RIT2: variants seen among roughly 807,000 people sequenced by gnomAD.
RIT2 encodes the protein GTP-binding protein Rit2.
RIT2 carries 24 observed loss-of-function variants against 23.7 expected under a neutral mutation model. That is an observed-to-expected ratio of 1.01 (90% CI 0.73 to 1.43). The LOEUF (loss-of-function observed/expected upper bound fraction) is 1.43, where lower values mean the gene tolerates loss of function less well. Among genes scored for constraint, RIT2 ranks in the 40% most tolerant of loss-of-function variants. The pLI is 0.00. For missense variants in RIT2, 236 were observed against 266.9 expected (o/e 0.88, Z 0.81); for synonymous variants, 107 against 91.1 (o/e 1.17, Z -0.99).
At chr18:42,853,956 T>G (rs1268637616) in intron 4 of RIT2, among the ~76,000 whole-genome samples, 1 of 152,252 alleles carries the variant, frequency 6.6e-6, no homozygotes, top group East Asian at 1.9e-4. Context: ...GTAAACTAGA[T>G]TCAAAGGAGA....
intron 1 of RIT2, among the ~76,000 whole-genome samples, chr18:43,047,802 T>C (rs979571384): frequency 6.6e-6 from 1 of 152,244 alleles, no homozygotes; most frequent in Non-Finnish European, 1.5e-5. Context: ...GATGTCAAAT[T>C]TAAAGTTTTG....
intron 3 of RIT2, among the ~76,000 whole-genome samples, chr18:42,941,185 A>T (rs1301170239): frequency 2.6e-5 from 4 of 152,116 alleles, no homozygotes; most frequent in African/African-American, 4.8e-5. Context: ...AGCAAATGGT[A>T]TATATCATTT....
intron 3 of RIT2, among the ~76,000 whole-genome samples, chr18:42,965,009 C>T (rs1479816348): frequency 6.6e-6 from 1 of 152,170 alleles, no homozygotes; most frequent in Non-Finnish European, 1.5e-5. Context: ...CTGAGAGCTA[C>T]CTTAACAACA....
At chr18:43,045,197 G>T (rs1369310490) in intron 1 of RIT2, among the ~76,000 whole-genome samples, 1 of 152,084 alleles carries the variant, frequency 6.6e-6, no homozygotes, top group Non-Finnish European at 1.5e-5. Flanking sequence ...TCTCTGTAGT[G>T]CCATTCTTAC....
chr18:43,095,306 T>C (rs982653546), intron 1 of RIT2, among the ~76,000 whole-genome samples: 4 of 152,106 alleles, frequency 2.6e-5, no homozygotes, highest in African/African-American at 7.2e-5. Context: ...ATTTCTCTGA[T>C]GACCGGTGAT....
rs553864747 is a variant in RIT2 at position 43,109,339 on chromosome 18, T to C, written c.103+6078A>G. 2.0e-5 allele frequency among the ~76,000 whole-genome samples: 3 copies of C among 152,342 alleles called. No individual in the cohort carries two copies. In the South Asian group the frequency reaches 6.2e-4, roughly 32 times the overall value. ...TTGGGTTTTCAGTTTATTTGTGTTG[T>C]GTAACTTTTTCACAGTTAACTGAAG... On this transcript the variant is annotated intron_variant, in intron 1 of 4. Transcript: ENST00000326695.
At chr18:42,973,870 C>G (rs1485043741) in intron 3 of RIT2, among the ~76,000 whole-genome samples, 2 of 150,240 alleles carry the variant, frequency 1.3e-5, no homozygotes, top group Admixed American at 1.3e-4. Flanking sequence ...CCTATATGGA[C>G]TCTTTTATTT....
At chr18:43,054,594 C>T (rs536887538) in intron 1 of RIT2, among the ~76,000 whole-genome samples, 66 of 152,124 alleles carry the variant, frequency 4.3e-4, no homozygotes, top group Admixed American at 6.6e-4. Context: ...ACTTAGGATA[C>T]GCTGGGTAAA....
At chr18:42,782,685 T>A (rs1490665369) in intron 4 of RIT2, among the ~76,000 whole-genome samples, 1 of 152,096 alleles carries the variant, frequency 6.6e-6, no homozygotes. Context: ...TCAGTGTTCA[T>A]AAGGAGAATC....
chr18:43,106,166 A>G (rs1913817824), intron 1 of RIT2, among the ~76,000 whole-genome samples: 1 of 152,248 alleles, frequency 6.6e-6, no homozygotes. Context: ...GGTCAGGTAT[A>G]TGCAAAACTC....
intron 2 of RIT2, among the ~76,000 whole-genome samples, chr18:42,986,309 G>A (rs4558482): frequency 0.17 from 25,864 of 151,036 alleles, 2,405 homozygotes; most frequent in Middle Eastern, 0.23. Flanking sequence ...GATTACAGGC[G>A]TGAGGCACCT....
At chr18:42,823,363 AT>A (rs1451042664) in intron 4 of RIT2, among the ~76,000 whole-genome samples, 1 of 152,194 alleles carries the variant, frequency 6.6e-6, no homozygotes, top group Non-Finnish European at 1.5e-5. Flanking sequence ...TACAGCTTGG[AT>A]AAAAACTCAG....
At chr18:42,896,447 G>T (rs556171805) in intron 4 of RIT2, among the ~76,000 whole-genome samples, 2 of 152,260 alleles carry the variant, frequency 1.3e-5, no homozygotes, top group South Asian at 4.1e-4. Context: ...TTTTTAGAGA[G>T]AGGAAAGTTA....
At chr18:42,751,491 C>T (rs922169964) in intron 4 of RIT2, among the ~76,000 whole-genome samples, 5 of 151,886 alleles carry the variant, frequency 3.3e-5, no homozygotes, top group Non-Finnish European at 5.9e-5. Flanking sequence ...TAATCAAGCT[C>T]GACCAGAAAT....
intron 4 of RIT2, among the ~76,000 whole-genome samples, chr18:42,852,189 G>T (rs947634410): frequency 6.6e-6 from 1 of 152,102 alleles, no homozygotes; most frequent in African/African-American, 2.4e-5. Flanking sequence ...ACAATAAAAT[G>T]GTAGCAGATT....
intron 3 of RIT2, among the ~76,000 whole-genome samples, chr18:42,954,412 T>C (rs146961983): frequency 7.8e-4 from 117 of 150,828 alleles, no homozygotes; most frequent in African/African-American, 2.4e-3. Context: ...ATATATTAGG[T>C]TGTGGCAAAC....
At chr18:42,899,041 T>C (rs951030547) in intron 4 of RIT2, among the ~76,000 whole-genome samples, 1 of 152,020 alleles carries the variant, frequency 6.6e-6, no homozygotes, top group African/African-American at 2.4e-5. Context: ...AATAATTAAT[T>C]TGTTAAAAGT....
intron 4 of RIT2, among the ~76,000 whole-genome samples, chr18:42,918,581 T>C (rs767764878): frequency 2.0e-5 from 3 of 152,142 alleles, no homozygotes; most frequent in Non-Finnish European, 4.4e-5. Flanking sequence ...TAAGCACTAC[T>C]CTTATTTTTT....
At chr18:42,846,526 A>G (rs1460622889) in intron 4 of RIT2, among the ~76,000 whole-genome samples, 1 of 152,004 alleles carries the variant, frequency 6.6e-6, no homozygotes, top group African/African-American at 2.4e-5. Flanking sequence ...TCACAAACAT[A>G]GGTGCCAAAA....
Sources: allele counts gnomAD v4.1 joint callset (sites outside exome capture counted in the v4.1 genomes callset), GRCh38; gene constraint gnomAD v4.1.1; transcripts MANE v1.5; gene names NCBI Gene and HGNC (gene_info 2026-07-23, HGNC 2026-07-21).